Variants in MYO9A observed in about 807,000 individuals in gnomAD.
MYO9A encodes unconventional myosin-IXa.
MYO9A carries 103 observed loss-of-function variants against 293.3 expected under a neutral mutation model. That is an observed-to-expected ratio of 0.35 (90% CI 0.30 to 0.41). The LOEUF (loss-of-function observed/expected upper bound fraction) is 0.41, where lower values mean the gene tolerates loss of function less well. MYO9A is among the 10% of genes least tolerant of loss of function. The pLI is 1.00. For synonymous variants in MYO9A, 1,001 were observed against 1,035.7 expected (o/e 0.97, Z 0.64); for missense variants, 2,685 against 3,033.0 (o/e 0.89, Z 2.69).
Position 71,900,019 on chromosome 15 carries a change from C to CA in MYO9A, c.3151-14dup. 6.3e-7 allele frequency: 1 copy of CA among 1,585,060 alleles called. No individual in the cohort carries two copies. On this transcript the variant is annotated splice_polypyrimidine_tract_variant and intron_variant, in intron 23 of 41. Transcript: ENST00000356056. ...TCCTCCAGAATCTCTATGGGGAAGACAAAATAACAGAAACTGGTTGTCATA... is the reference window on the plus strand; with the variant it reads ...TCCTCCAGAATCTCTATGGGGAAGACAAAAATAACAGAAACTGGTTGTCATA...
chr15:71,868,839 G>C (rs1435845811), intron 32 of MYO9A, among the ~76,000 whole-genome samples: 2 of 152,076 alleles, frequency 1.3e-5, no homozygotes, highest in African/African-American at 4.8e-5. Context: ...TTAAAAAAAA[G>C]TTTGAATGGT....
intron 19 of MYO9A, among the ~76,000 whole-genome samples, chr15:71,916,008 T>C (rs963024582): frequency 6.6e-6 from 1 of 152,154 alleles, no homozygotes; most frequent in African/African-American, 2.4e-5. Flanking sequence ...TAACTATTGA[T>C]GGTAGCAGCA....
intron 38 of MYO9A, 87 bp from the exon 39 acceptor site, chr15:71,849,055 T>C (rs1177735155): frequency 1.5e-6 from 2 of 1,290,778 alleles, no homozygotes; most frequent in Non-Finnish European, 2.1e-6. Context: ...GGTAGACAGT[T>C]GAAAGATGAA....
intron 13 of MYO9A, among the ~76,000 whole-genome samples, chr15:71,964,910 G>C (rs912591911): frequency 2.6e-5 from 4 of 151,462 alleles, no homozygotes; most frequent in Non-Finnish European, 5.9e-5. Context: ...CGCCAAGATC[G>C]CACCACTGCA....
intron 8 of MYO9A, among the ~76,000 whole-genome samples, chr15:72,007,288 A>G (rs946268521): frequency 2.6e-5 from 4 of 152,138 alleles, no homozygotes; most frequent in African/African-American, 9.7e-5. Context: ...AGAAAACATG[A>G]TAAATCATCA....
At chr15:72,007,717 A>G in intron 8 of MYO9A, 109 bp downstream of exon 8, 1 of 1,021,352 alleles carries the variant, frequency 9.8e-7, no homozygotes, top group Non-Finnish European at 1.3e-6. Context: ...TGCCTAATAA[A>G]AGCATTATTA....
At chr15:72,104,777 C>G (rs988763127) in intron 1 of MYO9A, among the ~76,000 whole-genome samples, 4 of 152,128 alleles carry the variant, frequency 2.6e-5, no homozygotes, top group African/African-American at 9.7e-5. Flanking sequence ...CCCTACTATA[C>G]TGTAAGAAGC....
intron 19 of MYO9A, among the ~76,000 whole-genome samples, chr15:71,913,904 C>G (rs2057933024): frequency 6.6e-6 from 1 of 152,096 alleles, no homozygotes; most frequent in South Asian, 2.1e-4. Context: ...TTCACTCTGG[C>G]TGATGAGAAC....
In MYO9A at chr15:71,897,863, G is replaced by A. The variant is rs773118804; in HGVS notation, c.4640C>T (p.Ser1547Phe). The part of the protein sequence containing the change: ...RIGECLVAPS[S>F]YQSKQRVERP... ...CTCTACTCTTTGCTTTGACTGATAG[G>A]AAGATGGTGCCACCAAACACTCTCC... Residue 1547 changes from serine to phenylalanine, a missense_variant, in exon 25 of 42, where the codon TCC (serine) becomes TTC (phenylalanine). By Grantham distance (155) the Ser-to-Phe change is radical. This residue lies in a region of MYO9A where 1,434 missense variants were observed against 1,497.7 expected (regional missense o/e 0.96). Coordinates refer to ENST00000356056, the MANE Select transcript of MYO9A (RefSeq NM_006901.4). The A allele has an allele frequency of 4.3e-6, 7 of 1,613,954 alleles. No individual in the cohort carries two copies. The highest frequency in any genetic ancestry group is 5.1e-6 in the Non-Finnish European group (6 of 1,180,002).
chr15:71,869,978 A>G (rs2056456997), intron 32 of MYO9A, among the ~76,000 whole-genome samples: 1 of 152,226 alleles, frequency 6.6e-6, no homozygotes, highest in Admixed American at 6.5e-5. Context: ...CTATCTGGGC[A>G]TGTGACAATC....
chr15:72,045,430 A>AT (rs1338261590), intron 2 of MYO9A: 7 of 192,640 alleles, frequency 3.6e-5, no homozygotes, highest in South Asian at 1.3e-4. Flanking sequence ...CGCCTGGCTA[A>AT]TTTTTTTTGT....
At chr15:71,838,659 A>T (rs1016376332) in intron 39 of MYO9A, among the ~76,000 whole-genome samples, 38 of 152,316 alleles carry the variant, frequency 2.5e-4, no homozygotes, top group African/African-American at 8.9e-4. Flanking sequence ...AATATTATAT[A>T]CAATACCCAG....
chr15:71,862,733 T>C (rs2056187605), intron 32 of MYO9A, 122 bp from the exon 33 acceptor site: 3 of 601,994 alleles, frequency 5.0e-6, no homozygotes, highest in Non-Finnish European at 8.9e-6. Context: ...GGGGGACAAT[T>C]AGGATCTTTT....
chr15:71,936,687 A>G (rs982879416), intron 16 of MYO9A, among the ~76,000 whole-genome samples: 2 of 152,120 alleles, frequency 1.3e-5, no homozygotes, highest in Admixed American at 1.3e-4. Flanking sequence ...ATTTGTCCAT[A>G]TTTATAAATC....
At chr15:72,086,113 C>T (rs766031193) in intron 1 of MYO9A, among the ~76,000 whole-genome samples, 7 of 152,180 alleles carry the variant, frequency 4.6e-5, no homozygotes, top group Non-Finnish European at 8.8e-5. Context: ...TACCCTCATT[C>T]CCATGTGCCA....
chr15:71,873,606 C>T (rs1365106405), intron 32 of MYO9A, among the ~76,000 whole-genome samples: 13 of 152,094 alleles, frequency 8.5e-5, no homozygotes, highest in Non-Finnish European at 7.4e-5. Flanking sequence ...CTCTAGGTAA[C>T]TAATTTATTT....
At chr15:71,864,982 C>T (rs1165286105) in intron 32 of MYO9A, among the ~76,000 whole-genome samples, 1 of 152,136 alleles carries the variant, frequency 6.6e-6, no homozygotes, top group Non-Finnish European at 1.5e-5. Context: ...AGCTGGTTTA[C>T]AATACCAATT....
Position 71,849,304 on chromosome 15 carries a change from C to T in MYO9A, c.6714-336G>A, listed in dbSNP as rs12101538. Reference sequence around the variant, plus strand: ...GTCTCTACTAAAAATACTAAATCAGCCAGGCATGGTGGTGCACGCCTATAA... The same window carrying T: ...GTCTCTACTAAAAATACTAAATCAGTCAGGCATGGTGGTGCACGCCTATAA... On this transcript the variant is annotated intron_variant, in intron 38 of 41. Transcript: ENST00000356056. Among the ~76,000 whole-genome samples, 4,684 of 152,078 alleles carry T rather than the reference C, an allele frequency of 0.031. 174 individuals carry two copies. Among genetic ancestry groups the T allele is most frequent in the African/African-American group, 0.083 (3,446 of 41,466 alleles).
intron 1 of MYO9A, among the ~76,000 whole-genome samples, chr15:72,075,034 AGCTCACT>A: frequency 7.7e-6 from 1 of 129,996 alleles, no homozygotes; most frequent in Middle Eastern, 5.7e-3. Context: ...GCACGATCTC[AGCTCACT>A]GTAACCTCCA....
Sources: gnomAD v4.1 joint callset for allele counts (sites outside exome capture counted in the v4.1 genomes callset) on GRCh38, gnomAD v4.1.1 for gene constraint, gnomAD v4.1.1 regional missense constraint, MANE v1.5 for transcripts, NCBI Gene and HGNC (gene_info 2026-07-23, HGNC 2026-07-21) for gene names.